The following TSPEAR variants were observed in gnomAD, a reference collection of about 807,000 sequenced individuals.
The protein encoded by TSPEAR is thrombospondin-type laminin G domain and EAR repeat-containing protein.
A neutral mutation model predicts 71.6 loss-of-function variants in TSPEAR; 69 were observed. That is an observed-to-expected ratio of 0.96 (90% CI 0.79 to 1.18). The LOEUF is 1.18. Among genes scored for constraint, TSPEAR ranks in the 50% most tolerant of loss-of-function variants. The pLI, the probability that TSPEAR is intolerant of heterozygous loss-of-function variation, is 0.00. For synonymous variants in TSPEAR, 402 were observed against 387.2 expected (o/e 1.04, Z -0.45); for missense variants, 971 against 894.9 (o/e 1.09, Z -1.09).
intron 1 of TSPEAR, among the ~76,000 whole-genome samples, chr21:44,602,490 C>T (rs1261422907): frequency 8.9e-6 from 1 of 112,058 alleles, no homozygotes; most frequent in Non-Finnish European, 2.0e-5. Flanking sequence ...ACACGGTGGG[C>T]GGGGACGGCC....
chr21:44,588,713 GAT>G lies in TSPEAR; in HGVS notation c.83-20710_83-20709del, dbSNP rs587645290. On this transcript the variant is annotated intron_variant, in intron 1 of 11. Coordinates refer to ENST00000323084, the MANE Select transcript of TSPEAR (RefSeq NM_144991.3). ...ATTTATATATTTATATATATAAACTGATATATATGTGTGTGTATATATGTATA... is the reference window on the plus strand; with the variant it reads ...ATTTATATATTTATATATATAAACTGATATATGTGTGTGTATATATGTATA... 4.7e-3 allele frequency among the ~76,000 whole-genome samples: 116 copies of G among 24,694 alleles called. 2 individuals are homozygous for G. In the South Asian group the frequency reaches 0.085, roughly 18 times the overall value. The allele number at this position is 24,694 out of a possible 152,430, so 16.2% of individuals were successfully genotyped here.
At chr21:44,694,841 C>T (rs935186239) in intron 1 of TSPEAR, among the ~76,000 whole-genome samples, 1 of 152,198 alleles carries the variant, frequency 6.6e-6, no homozygotes, top group African/African-American at 2.4e-5. Context: ...GAAGGCGGCG[C>T]TCACAGAGCT....
At position 44,637,342 on chromosome 21, in the gene TSPEAR, C is replaced by T. The variant is rs753815890; in HGVS notation, c.83-69337G>A. 6 of 1,531,076 alleles carry T rather than the reference C, an allele frequency of 3.9e-6. No homozygotes were observed. The South Asian group carries it at 7.7e-5, about 20-fold the overall frequency. The allele number at this position is 1,531,076 out of a possible 1,614,324, so 94.8% of individuals were successfully genotyped here. ...GGCATATAAAAGCCCCAGCAGCTGA[C>T]AGGCTCACACACACACTCACTCACA... is the stretch of plus-strand genomic sequence containing the variant. On this transcript the variant is annotated intron_variant, in intron 1 of 11. Transcript: ENST00000323084.
chr21:44,654,564 G>C (rs930243994), intron 1 of TSPEAR: 1 of 1,608,170 alleles, frequency 6.2e-7, no homozygotes, highest in Non-Finnish European at 8.5e-7. Flanking sequence ...CACAGCACGG[G>C]GAGCCAGGGC....
intron 1 of TSPEAR, chr21:44,647,441 C>G: frequency 6.9e-7 from 1 of 1,447,412 alleles, no homozygotes; most frequent in Non-Finnish European, 9.4e-7. Flanking sequence ...TCCTCAGAAT[C>G]CACCAGCTCC....
At chr21:44,600,980 G>A (rs782412462) in intron 1 of TSPEAR, 2 of 1,610,930 alleles carry the variant, frequency 1.2e-6, no homozygotes, top group African/African-American at 1.4e-5. Context: ...ACTGTCTGCT[G>A]CAAGCCTGTG....
intron 1 of TSPEAR, among the ~76,000 whole-genome samples, chr21:44,602,721 C>T (rs587720647): frequency 6.6e-6 from 1 of 152,226 alleles, no homozygotes; most frequent in African/African-American, 2.4e-5. Flanking sequence ...CAGGGCATCC[C>T]CAACATCGCA....
intron 1 of TSPEAR, among the ~76,000 whole-genome samples, chr21:44,630,418 C>T (rs1369958076): frequency 1.3e-5 from 2 of 152,160 alleles, no homozygotes; most frequent in African/African-American, 4.8e-5. Context: ...GTTGAGAAAA[C>T]AATGGACACC....
At chr21:44,605,523 T>C (rs1224576711) in intron 1 of TSPEAR, among the ~76,000 whole-genome samples, 4 of 152,196 alleles carry the variant, frequency 2.6e-5, no homozygotes, top group African/African-American at 9.7e-5. Context: ...AGAACAAAGC[T>C]GGAGGCATCA....
At chr21:44,538,749 G>A (rs1372056855) in intron 2 of TSPEAR, among the ~76,000 whole-genome samples, 5 of 152,138 alleles carry the variant, frequency 3.3e-5, no homozygotes, top group Non-Finnish European at 5.9e-5. Context: ...CACAGCCCAG[G>A]GCATGACAGC....
intron 1 of TSPEAR, among the ~76,000 whole-genome samples, chr21:44,659,284 T>C (rs781994674): frequency 2.8e-3 from 68 of 23,956 alleles, no homozygotes; most frequent in South Asian, 8.6e-3. Context: ...CCCCTCATCC[T>C]AAGCACAAGC....
intron 2 of TSPEAR, among the ~76,000 whole-genome samples, chr21:44,544,016 G>A (rs1364458226): frequency 7.2e-5 from 11 of 152,198 alleles, no homozygotes; most frequent in African/African-American, 2.4e-4. Flanking sequence ...GAGATGGGAG[G>A]TTTAAACTCA....
intron 1 of TSPEAR, among the ~76,000 whole-genome samples, chr21:44,588,771 ATATG>A (rs1349484986): frequency 1.7e-3 from 208 of 120,430 alleles, no homozygotes; most frequent in Middle Eastern, 9.4e-3. Flanking sequence ...GTGTGTATAT[ATATG>A]TATGTGTGTG....
chr21:44,556,619 G>T (rs771990718), intron 2 of TSPEAR, among the ~76,000 whole-genome samples: 1 of 152,180 alleles, frequency 6.6e-6, no homozygotes, highest in Non-Finnish European at 1.5e-5. Flanking sequence ...TTGAATCTGG[G>T]AGGTGGAGGT....
chr21:44,598,152 C>A (rs587703704), intron 1 of TSPEAR, among the ~76,000 whole-genome samples: 1 of 152,302 alleles, frequency 6.6e-6, no homozygotes, highest in East Asian at 1.9e-4. Context: ...ATTATCAGCA[C>A]CAGCTCGCAT....
chr21:44,628,208 C>T lies in TSPEAR; in HGVS notation c.83-60203G>A, dbSNP rs1178087957. The T allele has an allele frequency of 7.4e-5, 61 of 828,202 alleles. No individual in the cohort carries two copies. The East Asian group carries it at 1.5e-3, about 20-fold the overall frequency. The allele number at this position is 828,202 out of a possible 1,614,324, so 51.3% of individuals were successfully genotyped here. A position where few individuals can be genotyped will look rare whatever the true frequency, so the allele number is the denominator to read the frequency against. Reference sequence around the variant, plus strand: ...GTCTCAGATGCTCACTGGCTCCTCCCTGACCTCCCCCCCGGGCAGGCGAGC... The same window carrying T: ...GTCTCAGATGCTCACTGGCTCCTCCTTGACCTCCCCCCCGGGCAGGCGAGC... On this transcript the variant is annotated intron_variant, in intron 1 of 11. Coordinates refer to ENST00000323084, the MANE Select transcript of TSPEAR (RefSeq NM_144991.3).
rs781834518 is a variant in TSPEAR at position 44,551,274 on chromosome 21, C to A, written c.303+16511G>T. 35 of 1,613,712 alleles carry A rather than the reference C, an allele frequency of 2.2e-5. No homozygotes were observed. In the South Asian group the frequency reaches 3.4e-4, roughly 16 times the overall value. ...GCCTGATTGGCAGGCGCTGGGCTCACAGGCCGCCTGGCAGCAGGGGCTGGA... is the reference window on the plus strand; with the variant it reads ...GCCTGATTGGCAGGCGCTGGGCTCAAAGGCCGCCTGGCAGCAGGGGCTGGA... On this transcript the variant is annotated intron_variant, in intron 2 of 11. Transcript: ENST00000323084.
rs782777654 is a variant in TSPEAR at position 44,508,823 on chromosome 21, G to T, written c.1754+376C>A. ...GTGGCAGCTGGCACTGGCAGGCAGC[G>T]GGCACTCGAAGCCTGCACCTCGCAC... On this transcript the variant is annotated intron_variant, in intron 10 of 11. Coordinates refer to ENST00000323084, the MANE Select transcript of TSPEAR (RefSeq NM_144991.3). 7 of 1,362,850 alleles carry T rather than the reference G, an allele frequency of 5.1e-6. No homozygotes were observed. In the East Asian group the frequency reaches 3.2e-4, roughly 62 times the overall value. 84.4% of individuals were successfully genotyped at this position (1,362,850 alleles called of 1,614,324 possible).
At chr21:44,533,513 G>A (rs1438105093) in intron 3 of TSPEAR, among the ~76,000 whole-genome samples, 172 bp downstream of exon 3, 29 of 151,096 alleles carry the variant, frequency 1.9e-4, no homozygotes, top group African/African-American at 6.8e-4. Context: ...GCCCCTGGTC[G>A]GCTCCTGCCC....
Sources: allele counts gnomAD v4.1 joint callset (sites outside exome capture counted in the v4.1 genomes callset), GRCh38; gene constraint gnomAD v4.1.1; transcripts MANE v1.5; gene names NCBI Gene and HGNC (gene_info 2026-07-23, HGNC 2026-07-21).